HERC5: variants seen among roughly 807,000 people sequenced by gnomAD.
The protein encoded by HERC5 is E3 ISG15--protein ligase HERC5.
In HERC5, 99 loss-of-function variants were observed where a neutral mutation model predicts 119.6. The observed-to-expected ratio is 0.83, with a 90% CI of 0.70 to 0.98. The LOEUF is 0.98. Ranked by LOEUF, HERC5 falls within the 50% of genes least tolerant of loss-of-function variation. The probability of loss-of-function intolerance (pLI) is 0.00; values close to 1 mark genes in which losing one functional copy is unlikely to be tolerated. For missense variants in HERC5, 1,267 were observed against 1,241.3 expected (o/e 1.02, Z -0.31); for synonymous variants, 478 against 445.9 (o/e 1.07, Z -0.91).
At chr4:88,497,113 T>G (rs2149107664) in intron 18 of HERC5, among the ~76,000 whole-genome samples, 1 of 152,348 alleles carries the variant, frequency 6.6e-6, no homozygotes, top group South Asian at 2.1e-4. Context: ...ATTTATAGAT[T>G]ACCCAGTCTA....
At chr4:88,476,073 G>A in intron 12 of HERC5, 43 bp downstream of exon 12, 1 of 1,483,662 alleles carries the variant, frequency 6.7e-7, no homozygotes, top group Non-Finnish European at 9.2e-7. Flanking sequence ...TCTTCTCAGT[G>A]GAAAGACATG....
intron 14 of HERC5, 112 bp from the exon 15 acceptor site, chr4:88,486,957 T>C (rs993925514): frequency 6.5e-5 from 41 of 628,672 alleles, no homozygotes; most frequent in Non-Finnish European, 1.0e-4. Context: ...TTTGGATTGC[T>C]TTTGTTGGAA....
intron 13 of HERC5, 73 bp from the exon 14 acceptor site, chr4:88,486,042 A>C: frequency 1.3e-6 from 1 of 775,176 alleles, no homozygotes; most frequent in Non-Finnish European, 2.2e-6. Flanking sequence ...TTAATCTGAT[A>C]ATCTAATTAA....
chr4:88,479,580 T>C, intron 13 of HERC5, 73 bp downstream of exon 13: 1 of 1,291,658 alleles, frequency 7.7e-7, no homozygotes, highest in Non-Finnish European at 1.0e-6. Context: ...CTGGCTTGAA[T>C]CTTTAAGTAG....
intron 12 of HERC5, among the ~76,000 whole-genome samples, chr4:88,479,141 C>G (rs1041134616): frequency 6.6e-6 from 1 of 151,704 alleles, no homozygotes. Context: ...AAAAATTAGC[C>G]GGGCATGGTG....
rs756180608 is a variant in HERC5 at position 88,475,933 on chromosome 4, A to G, written c.1485A>G (p.Glu495=). ...TAGAAATTTTCTTCCTTCTCCCAGA[A>G]TGTCCTATGATGCATATTTCCAACA... The part of the protein sequence containing the change: ...EALEIFFLLP[E]CPMMHISNNW... The change falls in exon 12 of 23, where the codon GAA becomes GAG. Residue 495 remains glutamate, a synonymous_variant. Coordinates refer to ENST00000264350, the MANE Select transcript of HERC5 (RefSeq NM_016323.4). 23 of 1,613,832 alleles carry G rather than the reference A, an allele frequency of 1.4e-5. No individual in the cohort carries two copies. Among genetic ancestry groups the G allele is most frequent in the Non-Finnish European group, 1.9e-5 (22 of 1,179,924 alleles).
rs111923801 is a variant in HERC5 at position 88,463,875 on chromosome 4, C to T, written c.801C>T (p.Phe267=). ...CTTAGGATGGGCTGCTGTTTACTTT[C>T]GGTGCTGGAAAACATGGGCAACTTG... ...LLTQDGLLFT[F]GAGKHGQLGH... The change falls in exon 6 of 23, where the codon TTC becomes TTT. Residue 267 remains phenylalanine (F), a synonymous_variant. Coordinates refer to ENST00000264350, the MANE Select transcript of HERC5 (RefSeq NM_016323.4). The T allele has an allele frequency of 2.7e-5, 43 of 1,613,718 alleles. No homozygotes were observed. In the African/African-American group the frequency reaches 4.8e-4, roughly 18 times the overall value.
chr4:88,457,869 C>T, intron 1 of HERC5: 1 of 1,056,296 alleles, frequency 9.5e-7, no homozygotes, highest in African/African-American at 1.7e-5. Flanking sequence ...CCCCCGCCCG[C>T]CGCATCTCCC....
In HERC5 at chr4:88,479,346, T is replaced by C. The variant is rs772596875; in HGVS notation, c.1583-7T>C. 219 of 1,559,756 alleles carry C rather than the reference T, an allele frequency of 1.4e-4. No individual in the cohort carries two copies. Among genetic ancestry groups the C allele is most frequent in the Non-Finnish European group, 1.8e-4 (209 of 1,160,016 alleles). On this transcript the variant is annotated splice_region_variant and splice_polypyrimidine_tract_variant and intron_variant, in intron 12 of 22. Transcript: ENST00000264350. ...TTTAAAAAATTTGCTTTCCTTGTGT[T>C]CCTCAGAAGAGTATTGGGCAACTCT... is the stretch of plus-strand genomic sequence containing the variant.
chr4:88,459,438 T>A lies in HERC5; in HGVS notation c.357T>A (p.Phe119Leu), dbSNP rs1450590902. The stretch of plus-strand genomic sequence containing the variant: ...TTCTCTCATCAGATGGAAAACCATT[T>A]GAGTATGACAACTATAGCATGAAAC... ...MLILSSDGKP[F>L]EYDNYSMKHL... The change falls in exon 2 of 23, where the codon TTT becomes TTA. Residue 119 changes from phenylalanine (F) to leucine (L), a missense_variant. Physicochemically the swap from Phe to Leu is conservative, Grantham distance 22. Coordinates refer to ENST00000264350, the MANE Select transcript of HERC5 (RefSeq NM_016323.4). 6.3e-7 allele frequency: 1 copy of A among 1,587,980 alleles called. No individual in the cohort carries two copies.
chr4:88,469,785 A>G (rs1740803825), intron 9 of HERC5, among the ~76,000 whole-genome samples: 2 of 152,214 alleles, frequency 1.3e-5, no homozygotes, highest in Non-Finnish European at 2.9e-5. Flanking sequence ...ATTTGACCAA[A>G]TATCTTGGTA....
intron 15 of HERC5, among the ~76,000 whole-genome samples, chr4:88,488,548 T>C (rs1428646052): frequency 2.0e-5 from 3 of 152,062 alleles, no homozygotes; most frequent in African/African-American, 7.2e-5. Flanking sequence ...CCATAGACTT[T>C]AATGACCTAA....
At chr4:88,468,567 G>A (rs1186224878) in intron 8 of HERC5, 145 bp downstream of exon 8, 2 of 560,782 alleles carry the variant, frequency 3.6e-6, no homozygotes, top group African/African-American at 1.9e-5. Flanking sequence ...ATCCTTTATT[G>A]TCTAAACTAC....
chr4:88,492,828 C>T (rs1162223653), intron 16 of HERC5, among the ~76,000 whole-genome samples, 184 bp from the exon 17 acceptor site: 1 of 152,106 alleles, frequency 6.6e-6, no homozygotes, highest in Admixed American at 6.5e-5. Context: ...ATTCTCAAGG[C>T]CTCGTTATCT....
intron 1 of HERC5, chr4:88,457,997 T>C: frequency 1.0e-6 from 1 of 988,466 alleles, no homozygotes; most frequent in Non-Finnish European, 1.2e-6. Flanking sequence ...GTGGGGGAAA[T>C]AGTTGCCCGC....
exon 23 of HERC5, chr4:88,506,160 TTAACA>T (rs1742098676): frequency 3.4e-5 from 12 of 350,600 alleles, no homozygotes; most frequent in East Asian, 6.5e-4. Flanking sequence ...AACCGAAAAA[TTAACA>T]TAAAAGTCTT....
In HERC5 at chr4:88,457,459, G is replaced by A. The variant is rs777785079; in HGVS notation, c.190G>A (p.Ala64Thr). The A allele has an allele frequency of 4.1e-4, 558 of 1,345,096 alleles. 1 individual carries two copies. Among genetic ancestry groups the A allele is most frequent in the Middle Eastern group, 1.6e-3 (6 of 3,734 alleles). 83.3% of individuals were successfully genotyped at this position (1,345,096 alleles called of 1,614,324 possible). ...RQLCCSPGRLAVLERGGAGVQ... is the reference protein window; with the variant it reads ...RQLCCSPGRLTVLERGGAGVQ... The stretch of plus-strand genomic sequence containing the variant: ...ACTCTGCTGCTCGCCGGGGCGCCTC[G>A]CGGTCTTGGAACGCGGCGGGGCGGG... Residue 64 changes from alanine to threonine, a missense_variant, in exon 1 of 23, where the codon GCG (alanine) becomes ACG (threonine). Physicochemically the swap from Ala to Thr is moderately conservative, Grantham distance 58 (BLOSUM62 0). Around this residue, in one of 3 missense-constraint regions of HERC5, gnomAD observed 777 missense variants for 758.0 expected, o/e 1.03. Coordinates refer to ENST00000264350, the MANE Select transcript of HERC5 (RefSeq NM_016323.4).
At chr4:88,495,991 C>A (rs1362035744) in intron 18 of HERC5, among the ~76,000 whole-genome samples, 1 of 152,164 alleles carries the variant, frequency 6.6e-6, no homozygotes, top group African/African-American at 2.4e-5. Context: ...TTGGTTACAT[C>A]TGTCAATATT....
At chr4:88,467,310 GT>G in intron 7 of HERC5, 106 bp downstream of exon 7, 1 of 1,151,742 alleles carries the variant, frequency 8.7e-7, no homozygotes, top group Non-Finnish European at 1.2e-6. Context: ...TATGAAGGGA[GT>G]TTCTCTAAAT....
Sources: allele counts gnomAD v4.1 joint callset (sites outside exome capture counted in the v4.1 genomes callset), GRCh38; gene constraint gnomAD v4.1.1; regional missense constraint gnomAD v4.1.1; transcripts MANE v1.5; gene names NCBI Gene and HGNC (gene_info 2026-07-23, HGNC 2026-07-21).